RFC3: variants seen among roughly 807,000 people sequenced by gnomAD.
RFC3 encodes A1 38 kDa subunit.
In RFC3, 41 loss-of-function variants were observed where a neutral mutation model predicts 45.1. That is an observed-to-expected ratio of 0.91 (90% CI 0.71 to 1.18). The LOEUF is 1.18. RFC3 is among the 50% of genes most tolerant of loss of function. RFC3 has a pLI of 0.00. For missense variants in RFC3, 423 were observed against 428.1 expected, an observed-to-expected ratio of 0.99 and a Z score of 0.10; for synonymous variants, 149 against 144.0, an observed-to-expected ratio of 1.03 and a Z score of -0.25.
At chr13:33,894,124 C>G (rs2082581634) in intron 8 of RFC3, among the ~76,000 whole-genome samples, 1 of 152,108 alleles carries the variant, frequency 6.6e-6, no homozygotes, top group East Asian at 1.9e-4. Flanking sequence ...AACCACAGAC[C>G]CTTTGAAAGA....
At chr13:33,943,916 C>G (rs1278894781) in intron 8 of RFC3, among the ~76,000 whole-genome samples, 3 of 152,160 alleles carry the variant, frequency 2.0e-5, no homozygotes, top group Non-Finnish European at 4.4e-5. Flanking sequence ...GGTAAACATA[C>G]AAGGGCATGA....
intron 8 of RFC3, among the ~76,000 whole-genome samples, chr13:33,937,794 T>C (rs1263767218): frequency 6.6e-6 from 1 of 152,152 alleles, no homozygotes; most frequent in Non-Finnish European, 1.5e-5. Context: ...CTGAGAGCAA[T>C]GAAATTTCTT....
chr13:33,908,726 A>G (rs1448508093), intron 8 of RFC3, among the ~76,000 whole-genome samples: 1 of 152,002 alleles, frequency 6.6e-6, no homozygotes, highest in East Asian at 1.9e-4. Context: ...CAAGCTGGAT[A>G]TTCAGAAGTG....
intron 8 of RFC3, among the ~76,000 whole-genome samples, chr13:33,926,213 T>TG (rs1362656815): frequency 1.7e-5 from 1 of 59,846 alleles, no homozygotes; most frequent in Non-Finnish European, 3.0e-5. Context: ...TGTTGTGGGG[T>TG]GGGGGGAGGG....
In RFC3 at chr13:33,864,351, A is replaced by C. The variant is rs975532417; in HGVS notation, c.879+29134A>C. ...TCCAACCATATCATTTAGCCAAAGA[A>C]TGGAAAGGCTAGGCCTACCTAGAAT... On this transcript the variant is annotated intron_variant, in intron 8 of 8. Coordinates refer to the RFC3 transcript ENST00000434425. Among the ~76,000 whole-genome samples, 45 of 152,018 alleles carry C rather than the reference A, an allele frequency of 3.0e-4. 1 individual carries two copies. The highest frequency in any genetic ancestry group is 5.9e-5 in the Non-Finnish European group (4 of 67,990).
At chr13:33,968,218 C>G (rs1199476361), downstream of RFC3, among the ~76,000 whole-genome samples, 1 of 152,116 alleles carries the variant, frequency 6.6e-6, no homozygotes, top group Non-Finnish European at 1.5e-5. Flanking sequence ...ACCTCTGCCT[C>G]CTGGGTTCAA....
chr13:33,916,912 C>T (rs2137719655), intron 8 of RFC3, among the ~76,000 whole-genome samples: 1 of 152,226 alleles, frequency 6.6e-6, no homozygotes, highest in African/African-American at 2.4e-5. Flanking sequence ...TCCAAGGTTA[C>T]TGACATAATT....
At chr13:33,949,254 C>T (rs968621423) in intron 8 of RFC3, among the ~76,000 whole-genome samples, 5 of 152,172 alleles carry the variant, frequency 3.3e-5, no homozygotes, top group African/African-American at 9.7e-5. Flanking sequence ...CTCATTCTCT[C>T]TCCTGTCACC....
intron 8 of RFC3, among the ~76,000 whole-genome samples, chr13:33,882,948 C>G (rs1464176442): frequency 2.0e-5 from 3 of 152,116 alleles, no homozygotes; most frequent in Non-Finnish European, 4.4e-5. Flanking sequence ...CATTTTTATT[C>G]CTTTCTGTTG....
intron 8 of RFC3, among the ~76,000 whole-genome samples, chr13:33,916,117 A>G (rs1191542496): frequency 6.6e-6 from 1 of 152,180 alleles, no homozygotes; most frequent in Admixed American, 6.5e-5. Flanking sequence ...CTATATTTCT[A>G]AATGACAGAG....
intron 8 of RFC3, among the ~76,000 whole-genome samples, chr13:33,876,214 A>G (rs912616804): frequency 2.0e-5 from 3 of 152,178 alleles, no homozygotes; most frequent in Non-Finnish European, 4.4e-5. Flanking sequence ...CAGCATATTC[A>G]AACAGTTTAA....
intron 8 of RFC3, among the ~76,000 whole-genome samples, chr13:33,941,520 A>C (rs2082923878): frequency 6.6e-6 from 1 of 151,984 alleles, no homozygotes; most frequent in East Asian, 1.9e-4. Flanking sequence ...GTTATTTTCA[A>C]TTGCTATATT....
rs746550111 is a variant in RFC3, at chr13:33,908,000, T to C, written c.880-58087T>C. 3.7e-4 allele frequency among the ~76,000 whole-genome samples: 56 copies of C among 151,998 alleles called. 1 individual carries two copies. Among genetic ancestry groups the C allele is most frequent in the Non-Finnish European group, 7.2e-4 (49 of 67,962 alleles). On this transcript the variant is annotated intron_variant, in intron 8 of 8. Coordinates refer to the RFC3 transcript ENST00000434425. ...CACCTCTCCCTGAGATCTTTTGTAA[T>C]AGAAAGTCTTCAATGTGTTCGTAAT...
intron 8 of RFC3, among the ~76,000 whole-genome samples, chr13:33,899,605 C>A (rs890992651): frequency 6.6e-6 from 1 of 151,768 alleles, no homozygotes; most frequent in Non-Finnish European, 1.5e-5. Flanking sequence ...AAGGCTTTTC[C>A]TTTAAGATCT....
intron 8 of RFC3, among the ~76,000 whole-genome samples, chr13:33,857,351 G>C (rs1324263684): frequency 1.3e-5 from 2 of 152,170 alleles, no homozygotes; most frequent in African/African-American, 4.8e-5. Context: ...ACTCAAAGCT[G>C]ACATATGGAA....
At chr13:33,838,092 A>G (rs111544014), downstream of RFC3, among the ~76,000 whole-genome samples, 50 of 152,186 alleles carry the variant, frequency 3.3e-4, no homozygotes, top group African/African-American at 1.1e-3. Context: ...ATAATTATGC[A>G]TCTGTCTAAT....
chr13:33,904,766 G>T (rs547810216), intron 8 of RFC3, among the ~76,000 whole-genome samples: 1 of 152,094 alleles, frequency 6.6e-6, no homozygotes, highest in Admixed American at 6.6e-5. Context: ...CGTCTCCCAG[G>T]TGACTTCCTC....
chr13:33,912,320 A>G (rs1014187345), intron 8 of RFC3, among the ~76,000 whole-genome samples: 13 of 152,054 alleles, frequency 8.5e-5, no homozygotes, highest in African/African-American at 3.1e-4. Flanking sequence ...CCCCACAGTG[A>G]TGGTGGTAAT....
chr13:33,942,239 T>C (rs1019261747), intron 8 of RFC3, among the ~76,000 whole-genome samples: 7 of 152,142 alleles, frequency 4.6e-5, no homozygotes, highest in African/African-American at 1.7e-4. Context: ...TTGCCTTTTA[T>C]TTTTGTTTTT....
Sources: allele counts gnomAD v4.1 joint callset (sites outside exome capture counted in the v4.1 genomes callset), GRCh38; gene constraint gnomAD v4.1.1; transcripts MANE v1.5; gene names NCBI Gene and HGNC (gene_info 2026-07-23, HGNC 2026-07-21).